The following SEPTIN4 variants were observed in gnomAD, a reference collection of about 807,000 sequenced individuals.
SEPTIN4 encodes the protein septin 4, also known as septin-4.
In SEPTIN4, 52 loss-of-function variants were observed where a neutral mutation model predicts 107.1. That is an observed-to-expected ratio of 0.49 (90% confidence interval 0.39 to 0.61). The LOEUF is 0.61. Among genes scored for constraint, SEPTIN4 ranks in the 20% least tolerant of loss-of-function variants. The probability of loss-of-function intolerance (pLI) is 0.00; values close to 1 mark genes in which losing one functional copy is unlikely to be tolerated. For missense variants in SEPTIN4, 1,048 were observed against 1,243.5 expected (o/e 0.84, Z 2.36); for synonymous variants, 417 against 467.0 (o/e 0.89, Z 1.38).
In SEPTIN4 at chr17:58,542,523, G is replaced by A. The variant is rs2043908819; in HGVS notation, c.1561+103C>T. 2.1e-6 allele frequency: 3 copies of A among 1,447,058 alleles called. No homozygotes were observed. In the South Asian group the frequency reaches 4.1e-5, roughly 20 times the overall value. The allele number at this position is 1,447,058 out of a possible 1,614,324, so 89.6% of individuals were successfully genotyped here. A position where few individuals can be genotyped will look rare whatever the true frequency, so the allele number is the denominator to read the frequency against. On this transcript the variant is annotated intron_variant, in intron 1 of 13. Coordinates refer to ENST00000672673, the MANE Select transcript of SEPTIN4 (RefSeq NM_001368771.2). The stretch of plus-strand genomic sequence containing the variant: ...GACTAGCTTTGGCACTGGCAGGAGA[G>A]CAGCCCTTAGGCCCAGAATGAAGAG...
In SEPTIN4 at chr17:58,540,679, A is replaced by G. The variant is rs1364035276; in HGVS notation, c.1607-6T>C. The G allele has an allele frequency of 6.6e-6, 9 of 1,354,442 alleles. No individual in the cohort carries two copies. In the African/African-American group the frequency reaches 9.1e-5, roughly 14 times the overall value. The allele number at this position is 1,354,442 out of a possible 1,614,324, so 83.9% of individuals were successfully genotyped here. A position where few individuals can be genotyped will look rare whatever the true frequency, so the allele number is the denominator to read the frequency against. ...GGGCATTCTTACCTCCTCATCTGTC[A>G]TAACAGAGTAGAAGCCAGGCATTCC... On this transcript the variant is annotated splice_region_variant and splice_polypyrimidine_tract_variant and intron_variant, in intron 2 of 13. Transcript: ENST00000672673.
At chr17:58,532,081 C>T in intron 3 of SEPTIN4, 1 of 1,092,632 alleles carries the variant, frequency 9.2e-7, no homozygotes. Flanking sequence ...GTGCGGACCG[C>T]TGCGGGAGGG....
Position 58,526,810 on chromosome 17 carries a change from C to G in SEPTIN4, c.1783G>C (p.Glu595Gln). ...QAPDLYDDDL[E>Q]FRPPSRPQSS... ...TGGGGCCGCGAGGGGGGTCTGAACT[C>G]CAGGTCATCATCATAGAGGTCCGGG... Residue 595 changes from glutamate (E) to glutamine (Q), a missense_variant, in exon 4 of 14, where the codon GAG becomes CAG. This residue lies in a region of SEPTIN4 where 787 missense variants were observed against 871.8 expected (regional missense o/e 0.90). Transcript: ENST00000672673. 1 of 1,613,734 alleles carries G rather than the reference C, an allele frequency of 6.2e-7. No homozygotes were observed. Among genetic ancestry groups the G allele is most frequent in the Non-Finnish European group, 8.5e-7 (1 of 1,179,918 alleles).
chr17:58,530,478 A>T (rs1474538523), intron 3 of SEPTIN4: 1 of 152,312 alleles, frequency 6.6e-6, no homozygotes, highest in Non-Finnish European at 1.5e-5. Flanking sequence ...GTCTGATCTG[A>T]ACCAGTCAGC....
intron 7 of SEPTIN4, 75 bp from the exon 8 acceptor site, chr17:58,522,176 T>C: frequency 6.4e-7 from 1 of 1,571,662 alleles, no homozygotes; most frequent in East Asian, 2.2e-5. Context: ...TACAGAGAAG[T>C]AGCCCACTCC....
chr17:58,526,142 T>C, intron 5 of SEPTIN4, 78 bp downstream of exon 5: 1 of 1,326,952 alleles, frequency 7.5e-7, no homozygotes, highest in Admixed American at 2.9e-5. Context: ...CGACCTATAC[T>C]CCCTTCCCAC....
chr17:58,525,043 CA>C, intron 7 of SEPTIN4, 34 bp downstream of exon 7: 1 of 1,613,590 alleles, frequency 6.2e-7, no homozygotes, highest in South Asian at 1.1e-5. Context: ...AAGGGTGGCT[CA>C]GGGGCAGCTG....
chr17:58,526,516 A>G (rs1161815694), intron 4 of SEPTIN4, 166 bp downstream of exon 4: 4 of 1,398,186 alleles, frequency 2.9e-6, no homozygotes, highest in Non-Finnish European at 2.8e-6. Flanking sequence ...GGGGGCAGAT[A>G]TCTTGGAGCT....
In SEPTIN4 at chr17:58,525,096, G is replaced by A. The variant is rs140251087; in HGVS notation, c.2198C>T (p.Ala733Val). ...TIVDTPGFGD[A>V]VNNTECWKPV... ...GACATACCACTCTGTGTTGTTGACT[G>A]CATCCCCAAAACCTGGTGTGTCCAC... The change falls in exon 7 of 14, where the codon GCA (alanine) becomes GTA (valine). Residue 733 changes from alanine (A) to valine (V), a missense_variant. By Grantham distance (64) the Ala-to-Val change is moderately conservative (BLOSUM62 0). Coordinates refer to ENST00000672673, the MANE Select transcript of SEPTIN4 (RefSeq NM_001368771.2). 11 of 1,614,050 alleles carry A rather than the reference G, an allele frequency of 6.8e-6. No individual in the cohort carries two copies. The African/African-American group carries it at 1.5e-4, about 22-fold the overall frequency.
In SEPTIN4 at chr17:58,526,235, T is replaced by C. The variant is rs2042857565; in HGVS notation, c.1990A>G (p.Thr664Ala). Residue 664 changes from threonine to alanine, a missense_variant, in exon 5 of 14, where the codon ACC becomes GCC. Transcript: ENST00000672673. ...CCTTTTTTACCTGCCACCATGAGGGTAAAGTCAAAGCCTTTCTTCACGGAC... is the reference window on the plus strand; with the variant it reads ...CCTTTTTTACCTGCCACCATGAGGGCAAAGTCAAAGCCTTTCTTCACGGAC... ...RKSVKKGFDF[T>A]LMVAGESGLG... 6.2e-7 allele frequency: 1 copy of C among 1,600,668 alleles called. No individual in the cohort carries two copies. Among genetic ancestry groups the C allele is most frequent in the African/African-American group, 1.3e-5 (1 of 74,274 alleles).
chr17:58,529,060 C>A, intron 3 of SEPTIN4: 1 of 1,605,924 alleles, frequency 6.2e-7, no homozygotes, highest in South Asian at 1.1e-5. Context: ...CCAATCCCAG[C>A]CAAGGCAGGG....
intron 1 of SEPTIN4, among the ~76,000 whole-genome samples, chr17:58,542,312 T>A (rs2043901844): frequency 6.6e-6 from 1 of 152,060 alleles, no homozygotes; most frequent in African/African-American, 2.4e-5. Flanking sequence ...CAGTTCTTCA[T>A]CCCCACTCAG....
At chr17:58,526,563 C>T (rs2042901546) in intron 4 of SEPTIN4, 119 bp downstream of exon 4, 1 of 1,422,734 alleles carries the variant, frequency 7.0e-7, no homozygotes, top group Non-Finnish European at 9.1e-7. Flanking sequence ...CCCAGATACA[C>T]ACACACACAA....
intron 3 of SEPTIN4, among the ~76,000 whole-genome samples, chr17:58,535,232 G>A (rs1283616182): frequency 6.6e-6 from 1 of 152,246 alleles, no homozygotes; most frequent in African/African-American, 2.4e-5. Context: ...CAGGCATAAG[G>A]TGTGGGTGGC....
rs754471140 is a variant in SEPTIN4 at position 58,526,827 on chromosome 17, A to G, written c.1766T>C (p.Leu589Pro). ...TCTGAACTCCAGGTCATCATCATAG[A>G]GGTCCGGGGCCTGGGGCCTTGGCTC... ...VPEPRPQAPD[L>P]YDDDLEFRPP... Residue 589 changes from leucine to proline, a missense_variant, in exon 4 of 14, where the codon CTC becomes CCC. Transcript: ENST00000672673. 5.6e-6 allele frequency: 9 copies of G among 1,613,454 alleles called. No individual in the cohort carries two copies. Among genetic ancestry groups the G allele is most frequent in the Non-Finnish European group, 7.6e-6 (9 of 1,179,878 alleles).
At position 58,543,673 on chromosome 17, in the gene SEPTIN4, TTTGTGA is replaced by T; in HGVS notation, c.508_513del (p.Ser170_Gln171del). ...TTGGATGGTGGGTCATCTTCTAAGA[TTTGTGA>T]TTGTAAGTTATTCTTCTGGTCTTGA... On this transcript the variant is annotated inframe_deletion, in exon 1 of 14. Coordinates refer to ENST00000672673, the MANE Select transcript of SEPTIN4 (RefSeq NM_001368771.2). 1.2e-6 allele frequency: 2 copies of T among 1,614,164 alleles called. No individual in the cohort carries two copies. The highest frequency in any genetic ancestry group is 1.3e-5 in the African/African-American group (1 of 75,036).
In SEPTIN4 at chr17:58,543,790, T is replaced by C. The variant is rs758693099; in HGVS notation, c.397A>G (p.Arg133Gly). Residue 133 changes from arginine to glycine, a missense_variant, in exon 1 of 14, where the codon AGA becomes GGA. Physicochemically the swap from Arg to Gly is moderately radical, Grantham distance 125. Transcript: ENST00000672673. The part of the protein sequence containing the change: ...VSPPREEAAR[R>G]GSESKSGREV... ...CGCCCTGACTTGCTCTCACTGCCTC[T>C]TCGTGCTGCTTCCTCTCTGGGTGGA... The C allele has an allele frequency of 6.2e-7, 1 of 1,614,230 alleles. No individual in the cohort carries two copies. Among genetic ancestry groups the C allele is most frequent in the Non-Finnish European group, 8.5e-7 (1 of 1,180,044 alleles).
intron 2 of SEPTIN4, chr17:58,541,549 G>C: frequency 2.8e-6 from 1 of 359,936 alleles, no homozygotes; most frequent in Non-Finnish European, 5.0e-6. Flanking sequence ...AGAGCCCCCA[G>C]CCTGAATTAG....
intron 3 of SEPTIN4, chr17:58,530,256 G>A (rs997885270): frequency 6.6e-6 from 1 of 152,252 alleles, no homozygotes; most frequent in Non-Finnish European, 1.5e-5. Context: ...GGGAGAGAAA[G>A]CACTCCCAGA....
Sources: gnomAD v4.1 joint callset for allele counts (sites outside exome capture counted in the v4.1 genomes callset) on GRCh38, gnomAD v4.1.1 for gene constraint, gnomAD v4.1.1 regional missense constraint, MANE v1.5 for transcripts, NCBI Gene and HGNC (gene_info 2026-07-23, HGNC 2026-07-21) for gene names.